Variants in TRPM6 observed in about 807,000 individuals in gnomAD.
The protein encoded by TRPM6 is transient receptor potential cation channel subfamily M member 6.
Under a neutral mutation model 247.6 loss-of-function variants are expected in TRPM6, and 111 were observed. The observed-to-expected ratio is 0.45, with a 90% CI of 0.38 to 0.52. The LOEUF is 0.52. Ranked by LOEUF, TRPM6 falls within the 20% of genes least tolerant of loss-of-function variation. The pLI is 0.00. For synonymous variants in TRPM6, 892 were observed against 853.8 expected (o/e 1.04, Z -0.78); for missense variants, 2,126 against 2,421.5 (o/e 0.88, Z 2.56).
chr9:74,800,588 C>T (rs1353369310), intron 16 of TRPM6, 106 bp from the exon 17 acceptor site: 8 of 802,450 alleles, frequency 1.0e-5, no homozygotes, highest in Non-Finnish European at 1.7e-5. Context: ...GGATGTGAGG[C>T]TCAGAAAATA....
rs979652219 is a variant in TRPM6, at chr9:74,804,655, TG to T, written c.1639-770del. 17 of 750,704 alleles carry T rather than the reference TG, an allele frequency of 2.3e-5. No individual in the cohort carries two copies. The East Asian group carries it at 3.5e-4, about 15-fold the overall frequency. The allele number at this position is 750,704 out of a possible 1,614,324, so 46.5% of individuals were successfully genotyped here. A position where few individuals can be genotyped will look rare whatever the true frequency, so the allele number is the denominator to read the frequency against. ...TCTGAAGGCATGAAGGTGTCCTCTG[TG>T]ACTATTCAGCAGTTCCCTACTGAAG... On this transcript the variant is annotated intron_variant, in intron 14 of 38. Coordinates refer to ENST00000360774, the MANE Select transcript of TRPM6 (RefSeq NM_017662.5).
rs1472998561 is a variant in TRPM6, at chr9:74,785,775, G to C, written c.2919+99C>G. The C allele has an allele frequency of 2.0e-5, 27 of 1,349,032 alleles. No individual in the cohort carries two copies. In the East Asian group the frequency reaches 2.1e-4, roughly 10 times the overall value. The allele number at this position is 1,349,032 out of a possible 1,614,324, so 83.6% of individuals were successfully genotyped here. A position where few individuals can be genotyped will look rare whatever the true frequency, so the allele number is the denominator to read the frequency against. Reference sequence around the variant, plus strand: ...CCTGACCTTGTGATCCGCCCGCCTTGGCCTCCCAAAGTGCTGGGATTACAG... The same window carrying C: ...CCTGACCTTGTGATCCGCCCGCCTTCGCCTCCCAAAGTGCTGGGATTACAG... On this transcript the variant is annotated intron_variant, in intron 21 of 38. Coordinates refer to ENST00000360774, the MANE Select transcript of TRPM6 (RefSeq NM_017662.5).
intron 3 of TRPM6, among the ~76,000 whole-genome samples, chr9:74,855,211 C>T (rs560124925): frequency 6.6e-6 from 1 of 152,224 alleles, no homozygotes; most frequent in South Asian, 2.1e-4. Flanking sequence ...ACATCAATTA[C>T]AGTCCCGTAT....
intron 3 of TRPM6, among the ~76,000 whole-genome samples, chr9:74,844,118 T>C (rs538475119): frequency 6.6e-6 from 1 of 152,284 alleles, no homozygotes; most frequent in East Asian, 1.9e-4. Flanking sequence ...GTGGAGTACA[T>C]TTAGCATAAT....
chr9:74,744,918 C>T (rs1327825), intron 31 of TRPM6, among the ~76,000 whole-genome samples: 1 of 152,154 alleles, frequency 6.6e-6, no homozygotes, highest in African/African-American at 2.4e-5. Flanking sequence ...ACGAGAATCA[C>T]TTCCTTTAGG....
chr9:74,829,583 T>C (rs1829475185), intron 6 of TRPM6, among the ~76,000 whole-genome samples: 2 of 152,104 alleles, frequency 1.3e-5, no homozygotes, highest in Admixed American at 1.3e-4. Context: ...ATTCAGAGGG[T>C]TGTTGTGAGG....
At chr9:74,821,161 A>G (rs1033949532) in intron 8 of TRPM6, among the ~76,000 whole-genome samples, 1 of 152,238 alleles carries the variant, frequency 6.6e-6, no homozygotes, top group Non-Finnish European at 1.5e-5. Context: ...TGGAAGAACC[A>G]CACTGGCTAG....
intron 32 of TRPM6, 111 bp from the exon 33 acceptor site, chr9:74,742,737 T>C: frequency 1.1e-6 from 1 of 941,108 alleles, no homozygotes. Context: ...CAAAGACCTC[T>C]TATTTTTGCC....
chr9:74,775,956 G>C lies in TRPM6; in HGVS notation c.3330C>G (p.His1110Gln). The C allele has an allele frequency of 6.2e-7, 1 of 1,614,198 alleles. No individual in the cohort carries two copies. Among genetic ancestry groups the C allele is most frequent in the South Asian group, 1.1e-5 (1 of 91,090 alleles). The change falls in exon 24 of 39, where the codon CAC (histidine) becomes CAG (glutamine). Residue 1110 changes from histidine (H) to glutamine (Q), a missense_variant. His to Gln is a conservative substitution (Grantham distance 24, BLOSUM62 0). Transcript: ENST00000360774. Reference protein sequence around the residue: ...WLPPPLILLSHVGLLLRRLCC... With the variant: ...WLPPPLILLSQVGLLLRRLCC... ...ACAGGCGGCGGAGGAGAAGGCCCAC[G>C]TGGCTCAGCAGGATGAGAGGTGGGG...
chr9:74,753,117 A>AG (rs1012372538), intron 28 of TRPM6, among the ~76,000 whole-genome samples: 2 of 151,748 alleles, frequency 1.3e-5, no homozygotes, highest in Non-Finnish European at 2.9e-5. Flanking sequence ...TCTCAAAAAA[A>AG]AAAAAAAAAA....
At chr9:74,830,888 C>G (rs1172897220) in intron 6 of TRPM6, among the ~76,000 whole-genome samples, 1 of 150,166 alleles carries the variant, frequency 6.7e-6, no homozygotes, top group Non-Finnish European at 1.5e-5. Flanking sequence ...TAGGCATGAG[C>G]CACCATGCCC....
chr9:74,740,059 G>A, intron 33 of TRPM6, 50 bp from the exon 34 acceptor site: 1 of 1,588,856 alleles, frequency 6.3e-7, no homozygotes, highest in Non-Finnish European at 8.6e-7. Context: ...CCATGTCTGT[G>A]ACATGAATAG....
rs974972351 is a variant in TRPM6, at chr9:74,820,319, C to T, written c.1119G>A (p.Met373Ile). The T allele has an allele frequency of 1.9e-6, 3 of 1,613,992 alleles. No individual in the cohort carries two copies. Among genetic ancestry groups the T allele is most frequent in the Non-Finnish European group, 2.5e-6 (3 of 1,180,002 alleles). ...KHLFQILMEC[M>I]VHRDCITIFD... is the part of the protein sequence containing the mutation. ...TCATACTCACACAATCCCTGTGAAC[C>T]ATACACTCCATTAGAATTTGGAAAA... The change falls in exon 9 of 39, where the codon ATG (methionine) becomes ATA (isoleucine). Residue 373 changes from methionine (M) to isoleucine (I), a missense_variant. By Grantham distance (10) the Met-to-Ile change is conservative. Coordinates refer to ENST00000360774, the MANE Select transcript of TRPM6 (RefSeq NM_017662.5).
chr9:74,772,015 G>A (rs1428548254), intron 24 of TRPM6, among the ~76,000 whole-genome samples, 180 bp from the exon 25 acceptor site: 12 of 152,200 alleles, frequency 7.9e-5, no homozygotes, highest in Non-Finnish European at 1.3e-4. Flanking sequence ...GGAGCTGGGC[G>A]CAGTGGTTCA....
intron 7 of TRPM6, 54 bp from the exon 8 acceptor site, chr9:74,821,891 G>A: frequency 6.2e-7 from 1 of 1,605,088 alleles, no homozygotes; most frequent in Non-Finnish European, 8.5e-7. Flanking sequence ...AGCTCAGCCA[G>A]TCGGCCGTTT....
In TRPM6 at chr9:74,834,034, A is replaced by T; in HGVS notation, c.633T>A (p.Gly211=). The change falls in exon 6 of 39, where the codon GGT becomes GGA. Residue 211 remains glycine (G), a synonymous_variant. Coordinates refer to ENST00000360774, the MANE Select transcript of TRPM6 (RefSeq NM_017662.5). The part of the protein sequence containing the change: ...KIWTVGIPPW[G]VIENQRDLIG... ...TAAGGTCTCTCTGGTTCTCAATGAC[A>T]CCCCAAGGAGGGATTCCAACTGTCC... 1.4e-5 allele frequency: 22 copies of T among 1,614,068 alleles called. No individual in the cohort carries two copies. Among genetic ancestry groups the T allele is most frequent in the Non-Finnish European group, 1.9e-5 (22 of 1,179,984 alleles).
In TRPM6 at chr9:74,802,209, A is replaced by G. The variant is rs564090417; in HGVS notation, c.1732-34T>C. 2.4e-5 allele frequency: 39 copies of G among 1,595,042 alleles called. No homozygotes were observed. In the South Asian group the frequency reaches 4.2e-4, roughly 17 times the overall value. On this transcript the variant is annotated intron_variant, in intron 15 of 38. Transcript: ENST00000360774. ...AAATAAAATAGGAATGAGTTTTCAAATACTCAGATGTATGATGTTTTACCT... is the reference window on the plus strand; with the variant it reads ...AAATAAAATAGGAATGAGTTTTCAAGTACTCAGATGTATGATGTTTTACCT...
intron 13 of TRPM6, among the ~76,000 whole-genome samples, chr9:74,809,556 C>A (rs185923033): frequency 3.2e-4 from 48 of 152,056 alleles, no homozygotes; most frequent in Middle Eastern, 3.4e-3. Context: ...CATATTTAAC[C>A]TAGTTCATCA....
intron 11 of TRPM6, among the ~76,000 whole-genome samples, 188 bp downstream of exon 11, chr9:74,816,481 A>C (rs945280252): frequency 6.0e-5 from 9 of 151,074 alleles, no homozygotes; most frequent in Non-Finnish European, 1.2e-4. Context: ...AAAAAAAAAA[A>C]AAAAAAAACA....
Sources: gnomAD v4.1 joint callset for allele counts (sites outside exome capture counted in the v4.1 genomes callset) on GRCh38, gnomAD v4.1.1 for gene constraint, MANE v1.5 for transcripts, NCBI Gene and HGNC (gene_info 2026-07-23, HGNC 2026-07-21) for gene names.